Variants in TGFBR2 observed in about 807,000 individuals in gnomAD.
TGFBR2 encodes the protein TGF-beta receptor type-2.
Under a neutral mutation model 49.0 loss-of-function variants are expected in TGFBR2, and 18 were observed. The ratio of observed to expected loss-of-function variants is 0.37; its 90% CI spans 0.25 to 0.54. The LOEUF is 0.54. Among genes scored for constraint, TGFBR2 ranks in the 20% least tolerant of loss-of-function variants. TGFBR2 has a pLI of 0.85. For synonymous variants in TGFBR2, 282 were observed against 275.9 expected (o/e 1.02, Z -0.22); for missense variants, 525 against 722.6 (o/e 0.73, Z 3.13).
chr3:30,673,056 G>T (rs1699371751), intron 4 of TGFBR2, among the ~76,000 whole-genome samples: 1 of 152,180 alleles, frequency 6.6e-6, no homozygotes, highest in South Asian at 2.1e-4. Flanking sequence ...TATAAATGAT[G>T]AGCCCAGTGT....
chr3:30,639,106 G>C (rs565122530), intron 1 of TGFBR2, among the ~76,000 whole-genome samples: 1 of 152,270 alleles, frequency 6.6e-6, no homozygotes, highest in Non-Finnish European at 1.5e-5. Context: ...TGAAGAATAG[G>C]TATTTAATTT....
chr3:30,669,890 A>G (rs540761771), intron 3 of TGFBR2, among the ~76,000 whole-genome samples: 1 of 152,322 alleles, frequency 6.6e-6, no homozygotes, highest in South Asian at 2.1e-4. Flanking sequence ...ATTTCTTCTT[A>G]ACTCCTTTAT....
intron 1 of TGFBR2, chr3:30,623,207 A>T: frequency 6.5e-7 from 1 of 1,541,402 alleles, no homozygotes. Context: ...AGATGTGGAA[A>T]TGGAGGCCCA....
In TGFBR2 at chr3:30,693,031, C is replaced by G. The variant is rs552020910; in HGVS notation, c.*1432C>G. On this transcript the variant is annotated 3_prime_UTR_variant, in exon 7 of 7. Coordinates refer to ENST00000295754, the MANE Select transcript of TGFBR2 (RefSeq NM_003242.6). ...AGGTCCCTTGTAAGAAATGTCCATT[C>G]AAGCAGTCATTCTCTGGGTATATAA... 5 of 233,262 alleles carry G rather than the reference C, an allele frequency of 2.1e-5. No individual in the cohort carries two copies. The South Asian group carries it at 5.4e-4, about 25-fold the overall frequency. 14.4% of individuals were successfully genotyped at this position (233,262 alleles called of 1,614,324 possible).
intron 1 of TGFBR2, among the ~76,000 whole-genome samples, chr3:30,629,771 A>G (rs1050879205): frequency 4.6e-5 from 7 of 152,210 alleles, no homozygotes. Context: ...ACAAGATTCT[A>G]TCAACATGTC....
At chr3:30,638,621 C>A in intron 1 of TGFBR2, among the ~76,000 whole-genome samples, 1 of 152,182 alleles carries the variant, frequency 6.6e-6, no homozygotes, top group East Asian at 1.9e-4. Flanking sequence ...TTAGAGTGTG[C>A]AATAGATGTT....
At chr3:30,653,378 A>G (rs1169696907) in intron 3 of TGFBR2, among the ~76,000 whole-genome samples, 2 of 150,772 alleles carry the variant, frequency 1.3e-5, no homozygotes, top group South Asian at 2.1e-4. Context: ...CAGCCTCTCA[A>G]GTAGCTGGGA....
chr3:30,624,092 G>A (rs770195442), intron 1 of TGFBR2, among the ~76,000 whole-genome samples: 3 of 152,056 alleles, frequency 2.0e-5, no homozygotes, highest in Admixed American at 6.5e-5. Flanking sequence ...GCAGTGAGCC[G>A]AGATCATGCC....
At position 30,693,256 on chromosome 3, in the gene TGFBR2, C is replaced by T; in HGVS notation, c.*1657C>T. On this transcript the variant is annotated 3_prime_UTR_variant, in exon 7 of 7. Transcript: ENST00000295754. ...TTACCGTTCTCTCCATCATGCCAGC[C>T]TTCTCAACCTTTGCAGAAATTACTA... 4.3e-6 allele frequency: 1 copy of T among 233,766 alleles called. No homozygotes were observed. The highest frequency in any genetic ancestry group is 6.0e-5 in the East Asian group (1 of 16,682). The allele number at this position is 233,766 out of a possible 1,614,324, so 14.5% of individuals were successfully genotyped here. A position where few individuals can be genotyped will look rare whatever the true frequency, so the allele number is the denominator to read the frequency against.
intron 1 of TGFBR2, among the ~76,000 whole-genome samples, chr3:30,612,515 A>G (rs1222140832): frequency 2.0e-5 from 3 of 152,180 alleles, no homozygotes; most frequent in Non-Finnish European, 4.4e-5. Context: ...TGCTTGCATT[A>G]TCTGCCTCCT....
intron 4 of TGFBR2, among the ~76,000 whole-genome samples, chr3:30,673,200 G>A (rs1018607928): frequency 1.3e-5 from 2 of 152,114 alleles, no homozygotes; most frequent in African/African-American, 4.8e-5. Flanking sequence ...GGTAAACATC[G>A]AAATATGGAC....
chr3:30,666,679 C>T (rs1699250881), intron 3 of TGFBR2, among the ~76,000 whole-genome samples: 2 of 145,298 alleles, frequency 1.4e-5, no homozygotes, highest in Admixed American at 7.0e-5. Flanking sequence ...CTCTGTTACC[C>T]AGGCTGGAAT....
chr3:30,613,842 G>A (rs949527018), intron 1 of TGFBR2, among the ~76,000 whole-genome samples: 2 of 152,172 alleles, frequency 1.3e-5, no homozygotes, highest in African/African-American at 4.8e-5. Context: ...TAAATGTTTT[G>A]ACTTATGGTA....
At chr3:30,625,063 GAAT>G (rs1354247329) in intron 1 of TGFBR2, among the ~76,000 whole-genome samples, 13 of 151,930 alleles carry the variant, frequency 8.6e-5, no homozygotes, top group African/African-American at 2.2e-4. Flanking sequence ...AAGTCTTCTG[GAAT>G]AATACCTTTT....
intron 5 of TGFBR2, among the ~76,000 whole-genome samples, chr3:30,682,801 A>G (rs1699561116): frequency 6.6e-6 from 1 of 152,134 alleles, no homozygotes; most frequent in Non-Finnish European, 1.5e-5. Flanking sequence ...ACAAATAACA[A>G]CCACCCAGCA....
rs1386366199 is a variant in TGFBR2, at chr3:30,662,578, A to C, written c.455-9060A>C. 2.0e-5 allele frequency among the ~76,000 whole-genome samples: 3 copies of C among 152,372 alleles called. No homozygotes were observed. The East Asian group carries it at 5.8e-4, about 29-fold the overall frequency. Reference sequence around the variant, plus strand: ...TCAAACAGTGCTATCAATAGCTAGAAGTTAAATTAAATCCTTCATTGCTAG... The same window carrying C: ...TCAAACAGTGCTATCAATAGCTAGACGTTAAATTAAATCCTTCATTGCTAG... On this transcript the variant is annotated intron_variant, in intron 3 of 6. Coordinates refer to ENST00000295754, the MANE Select transcript of TGFBR2 (RefSeq NM_003242.6).
chr3:30,629,798 G>A (rs761172874), intron 1 of TGFBR2, among the ~76,000 whole-genome samples: 4 of 152,172 alleles, frequency 2.6e-5, no homozygotes, highest in Admixed American at 6.5e-5. Flanking sequence ...TAAGTACAGC[G>A]CGAGGGTCTG....
intron 1 of TGFBR2, among the ~76,000 whole-genome samples, chr3:30,613,043 A>G (rs1698058208): frequency 6.6e-6 from 1 of 151,660 alleles, no homozygotes; most frequent in South Asian, 2.1e-4. Context: ...TGTAGGTTTG[A>G]AGCTATCATT....
chr3:30,664,220 G>A (rs565310255), intron 3 of TGFBR2, among the ~76,000 whole-genome samples: 133 of 151,592 alleles, frequency 8.8e-4, no homozygotes, highest in African/African-American at 2.8e-3. Context: ...CTGGGCTCAA[G>A]TGATCCTCCC....
Sources: allele counts gnomAD v4.1 joint callset (sites outside exome capture counted in the v4.1 genomes callset), GRCh38; gene constraint gnomAD v4.1.1; transcripts MANE v1.5; gene names NCBI Gene and HGNC (gene_info 2026-07-23, HGNC 2026-07-21).